Variants in SLFN12 observed in about 807,000 individuals in gnomAD.
SLFN12 encodes ribonuclease SLFN12.
Under a neutral mutation model 29.1 loss-of-function variants are expected in SLFN12, and 25 were observed. The observed-to-expected ratio is 0.86, with a 90% CI of 0.63 to 1.20. The LOEUF (loss-of-function observed/expected upper bound fraction) is 1.20, where lower values mean the gene tolerates loss of function less well. SLFN12 is among the 50% of genes most tolerant of loss of function. The pLI, the probability that SLFN12 is intolerant of heterozygous loss-of-function variation, is 0.00. For missense variants in SLFN12, 660 were observed against 666.2 expected (o/e 0.99, Z 0.10); for synonymous variants, 257 against 238.7 (o/e 1.08, Z -0.71).
chr17:35,418,518 TTTATTGTAAGAATATAGTATATGATAC>T (rs1309823979), intron 3 of SLFN12, among the ~76,000 whole-genome samples: 1 of 152,154 alleles, frequency 6.6e-6, no homozygotes, highest in Non-Finnish European at 1.5e-5. Context: ...TCTAGCTTAC[TTTATTGTAAGAATATAGTATATGATAC>T]TTATTGTAAG....
chr17:35,420,408 A>C, intron 2 of SLFN12, 27 bp from the exon 3 acceptor site: 1 of 1,489,404 alleles, frequency 6.7e-7, no homozygotes, highest in East Asian at 2.3e-5. Flanking sequence ...TCACATTCTT[A>C]ATTTCGCAGA....
At chr17:35,428,262 A>G (rs1200343166) in intron 1 of SLFN12, among the ~76,000 whole-genome samples, 2 of 152,168 alleles carry the variant, frequency 1.3e-5, no homozygotes, top group Non-Finnish European at 2.9e-5. Flanking sequence ...TATCAGAATT[A>G]TCGCTAGCAA....
At position 35,422,189 on chromosome 17, in the gene SLFN12, C is replaced by T. The variant is rs369940333; in HGVS notation, c.840G>A (p.Lys280=). 1.0e-4 allele frequency: 167 copies of T among 1,614,016 alleles called. 1 individual carries two copies. In the Middle Eastern group the frequency reaches 1.2e-3, roughly 11 times the overall value. ...KMPVHHFCME[K]KKINYSCKFL... is the part of the protein sequence containing the mutation. ...ATTTGCATGAATAATTTATCTTCTTCTTCTCCATACAGAAGTGATGCACAG... is the reference window on the plus strand; with the variant it reads ...ATTTGCATGAATAATTTATCTTCTTTTTCTCCATACAGAAGTGATGCACAG... The change falls in exon 2 of 4, where the codon AAG becomes AAA. Residue 280 remains lysine, a synonymous_variant. Coordinates refer to ENST00000304905, the MANE Select transcript of SLFN12 (RefSeq NM_018042.5).
In SLFN12 at chr17:35,411,728, C is replaced by T. The variant is rs1567842753; in HGVS notation, c.1347G>A (p.Gln449=). ...KVLCDALLIS[Q]DSPPVLYTFH... ...AGGTGTATAGGACTGGAGGACTGTCCTGGGAAATCAGAAGAGCATCACAGA... is the reference window on the plus strand; with the variant it reads ...AGGTGTATAGGACTGGAGGACTGTCTTGGGAAATCAGAAGAGCATCACAGA... The change falls in exon 4 of 4, where the codon CAG becomes CAA. Residue 449 remains glutamine (Q), a synonymous_variant. Coordinates refer to ENST00000304905, the MANE Select transcript of SLFN12 (RefSeq NM_018042.5). 1 of 1,613,950 alleles carries T rather than the reference C, an allele frequency of 6.2e-7. No individual in the cohort carries two copies. The highest frequency in any genetic ancestry group is 8.5e-7 in the Non-Finnish European group (1 of 1,179,970).
At chr17:35,421,179 A>T (rs1292988845) in intron 2 of SLFN12, among the ~76,000 whole-genome samples, 1 of 151,462 alleles carries the variant, frequency 6.6e-6, no homozygotes, top group Non-Finnish European at 1.5e-5. Flanking sequence ...ATTGCACTCC[A>T]GCCTGGGTGA....
chr17:35,428,743 A>G (rs937044592), intron 1 of SLFN12, among the ~76,000 whole-genome samples: 8 of 152,098 alleles, frequency 5.3e-5, no homozygotes, highest in African/African-American at 1.9e-4. Flanking sequence ...TTGAAGTTTA[A>G]ATTTAAAACT....
Position 35,411,678 on chromosome 17 carries a change from A to C in SLFN12, c.1397T>G (p.Phe466Cys). The C allele has an allele frequency of 6.2e-7, 1 of 1,614,002 alleles. No individual in the cohort carries two copies. The highest frequency in any genetic ancestry group is 8.5e-7 in the Non-Finnish European group (1 of 1,179,982). The change falls in exon 4 of 4, where the codon TTT becomes TGT. Residue 466 changes from phenylalanine (F) to cysteine (C), a missense_variant. Phe to Cys is a radical substitution (Grantham distance 205, BLOSUM62 -2). Coordinates refer to ENST00000304905, the MANE Select transcript of SLFN12 (RefSeq NM_018042.5). Reference sequence around the variant, plus strand: ...GGCAGTTTGTGTAGAATAGCCTTTAAACTCCTCATCCTGTACCATGTGGAA... The same window carrying C: ...GGCAGTTTGTGTAGAATAGCCTTTACACTCCTCATCCTGTACCATGTGGAA... Reference protein sequence around the residue: ...YTFHMVQDEEFKGYSTQTALT... With the variant: ...YTFHMVQDEECKGYSTQTALT...
intron 1 of SLFN12, among the ~76,000 whole-genome samples, chr17:35,423,657 T>A (rs1029977164): frequency 2.0e-5 from 3 of 152,172 alleles, no homozygotes; most frequent in African/African-American, 4.8e-5. Flanking sequence ...AAATCTAATA[T>A]CCACATATTT....
intron 3 of SLFN12, among the ~76,000 whole-genome samples, chr17:35,413,173 T>G (rs1158205233): frequency 6.6e-6 from 1 of 151,890 alleles, no homozygotes; most frequent in Non-Finnish European, 1.5e-5. Context: ...AAAAATAAGA[T>G]AAGCAATATT....
intron 3 of SLFN12, among the ~76,000 whole-genome samples, chr17:35,415,492 A>G (rs892555078): frequency 6.6e-6 from 1 of 152,150 alleles, no homozygotes; most frequent in Non-Finnish European, 1.5e-5. Context: ...AGCAAATGTA[A>G]CAAAAACAAA....
At chr17:35,428,832 T>C (rs1238090380) in intron 1 of SLFN12, among the ~76,000 whole-genome samples, 3 of 152,106 alleles carry the variant, frequency 2.0e-5, no homozygotes, top group African/African-American at 7.2e-5. Context: ...AGCTTTCTCC[T>C]TAGTATTATA....
chr17:35,431,251 G>A (rs1012482327), intron 1 of SLFN12, among the ~76,000 whole-genome samples: 5 of 152,036 alleles, frequency 3.3e-5, no homozygotes, highest in Admixed American at 6.6e-5. Context: ...ATAAGTCAGC[G>A]GTTTCCATGG....
intron 2 of SLFN12, among the ~76,000 whole-genome samples, chr17:35,421,016 T>G (rs1376584801): frequency 6.6e-6 from 1 of 151,872 alleles, no homozygotes; most frequent in Non-Finnish European, 1.5e-5. Context: ...GAGACCAGCC[T>G]GGCCAACATG....
intron 1 of SLFN12, among the ~76,000 whole-genome samples, chr17:35,425,667 C>A (rs562853803): frequency 6.6e-6 from 1 of 152,012 alleles, no homozygotes; most frequent in South Asian, 2.1e-4. Flanking sequence ...ATCCATTCAT[C>A]TGTTGGTGAA....
chr17:35,411,310 AT>A lies in SLFN12; in HGVS notation c.*27del, dbSNP rs538769518. On this transcript the variant is annotated 3_prime_UTR_variant, in exon 4 of 4. Coordinates refer to ENST00000304905, the MANE Select transcript of SLFN12 (RefSeq NM_018042.5). Reference sequence around the variant, plus strand: ...AATGTTATCAAATATATAATGAAAAATATCTCAGTAGCCCAGTCCATTTTCC... The same window carrying A: ...AATGTTATCAAATATATAATGAAAAAATCTCAGTAGCCCAGTCCATTTTCC... 2.0e-4 allele frequency: 272 copies of A among 1,377,650 alleles called. 1 individual carries two copies. The African/African-American group carries it at 3.6e-3, about 18-fold the overall frequency. 85.3% of individuals were successfully genotyped at this position (1,377,650 alleles called of 1,614,324 possible).
chr17:35,428,838 T>TTATA (rs1912151975), intron 1 of SLFN12, among the ~76,000 whole-genome samples: 1 of 152,116 alleles, frequency 6.6e-6, no homozygotes. Flanking sequence ...CTCCTTAGTA[T>TTATA]TATAGCACAA....
intron 1 of SLFN12, among the ~76,000 whole-genome samples, chr17:35,424,801 T>G (rs1911905280): frequency 6.6e-6 from 1 of 152,118 alleles, no homozygotes; most frequent in Non-Finnish European, 1.5e-5. Flanking sequence ...CTTAGCTCTT[T>G]GAAGATACTT....
rs550827171 is a variant in SLFN12, at chr17:35,421,504, A to C, written c.1039+486T>G. Among the ~76,000 whole-genome samples the C allele has an allele frequency of 3.2e-4, 48 of 150,288 alleles. 1 individual carries two copies. The highest frequency in any genetic ancestry group is 1.1e-3 in the African/African-American group (47 of 40,948). On this transcript the variant is annotated intron_variant, in intron 2 of 3. Coordinates refer to ENST00000304905, the MANE Select transcript of SLFN12 (RefSeq NM_018042.5). ...TTTATGAAATATCTATCTTCTTCTAAGGGTATAGAAGAAAACAAGAGGCAG... is the reference window on the plus strand; with the variant it reads ...TTTATGAAATATCTATCTTCTTCTACGGGTATAGAAGAAAACAAGAGGCAG...
chr17:35,413,425 G>C (rs1911143163), intron 3 of SLFN12, among the ~76,000 whole-genome samples: 1 of 151,980 alleles, frequency 6.6e-6, no homozygotes. Context: ...TCAACAAAAT[G>C]CTAGCAAACC....
Sources: allele counts gnomAD v4.1 joint callset (sites outside exome capture counted in the v4.1 genomes callset), GRCh38; gene constraint gnomAD v4.1.1; transcripts MANE v1.5; gene names NCBI Gene and HGNC (gene_info 2026-07-23, HGNC 2026-07-21).